The following DYNC2H1 variants were observed in gnomAD, a reference collection of about 807,000 sequenced individuals.
DYNC2H1 encodes the protein dynein cytoplasmic 2 heavy chain 1, also known as cytoplasmic dynein 2 heavy chain 1.
DYNC2H1 carries 410 observed loss-of-function variants against 570.0 expected under a neutral mutation model. That is an observed-to-expected ratio of 0.72 (90% confidence interval 0.66 to 0.78). The LOEUF (loss-of-function observed/expected upper bound fraction) is 0.78, where lower values mean the gene tolerates loss of function less well. Ranked by LOEUF, DYNC2H1 falls within the 30% of genes least tolerant of loss-of-function variation. DYNC2H1 has a pLI of 0.00. For synonymous variants in DYNC2H1, 1,688 were observed against 1,677.6 expected (o/e 1.01, Z -0.15); for missense variants, 4,865 against 5,046.4 (o/e 0.96, Z 1.09).
Position 103,154,622 on chromosome 11 carries a change from A to G in DYNC2H1, c.3458+16A>G. The G allele has an allele frequency of 6.3e-7, 1 of 1,583,022 alleles. No homozygotes were observed. Among genetic ancestry groups the G allele is most frequent in the Non-Finnish European group, 8.6e-7 (1 of 1,166,968 alleles). On this transcript the variant is annotated intron_variant, in intron 23 of 88. Coordinates refer to ENST00000375735, the MANE Select transcript of DYNC2H1 (RefSeq NM_001377.3). ...TCACTTTTCGGTTTGATTCAAAAAC[A>G]ATATTTAGACTAATAATTTGGTTGT... is the stretch of plus-strand genomic sequence containing the variant.
intron 75 of DYNC2H1, among the ~76,000 whole-genome samples, chr11:103,288,950 C>A (rs189029254): frequency 6.6e-6 from 1 of 150,850 alleles, no homozygotes; most frequent in Non-Finnish European, 1.5e-5. Flanking sequence ...AGAGTCTGAA[C>A]GTCTTCAAAT....
chr11:103,110,623 G>T (rs1265250444), intron 1 of DYNC2H1, among the ~76,000 whole-genome samples: 2 of 152,154 alleles, frequency 1.3e-5, no homozygotes, highest in Middle Eastern at 3.4e-3. Context: ...TAAAAAATGG[G>T]TTGCATTTGC....
At chr11:103,408,700 A>G (rs1942965630) in intron 84 of DYNC2H1, among the ~76,000 whole-genome samples, 2 of 152,014 alleles carry the variant, frequency 1.3e-5, no homozygotes, top group South Asian at 2.1e-4. Context: ...CGTAAACCCT[A>G]TTGTCTATAT....
intron 57 of DYNC2H1, among the ~76,000 whole-genome samples, chr11:103,221,162 C>CA (rs1444701433): frequency 6.6e-6 from 1 of 151,608 alleles, no homozygotes; most frequent in African/African-American, 2.4e-5. Context: ...GGGAAAAAGA[C>CA]AGAGACAGAA....
rs1937853004 is a variant in DYNC2H1, at chr11:103,316,528, AAAT to A, written c.11650-16_11650-14del. On this transcript the variant is annotated splice_polypyrimidine_tract_variant and intron_variant, in intron 79 of 88. Coordinates refer to ENST00000375735, the MANE Select transcript of DYNC2H1 (RefSeq NM_001377.3). ...CTACTGCTTAGTTGTTTACTTAAAA[AAAT>A]TGTTTTTTGACAGGGTTGGACAAAG... 1 of 1,530,680 alleles carries A rather than the reference AAAT, an allele frequency of 6.5e-7. No individual in the cohort carries two copies. The highest frequency in any genetic ancestry group is 1.4e-5 in the African/African-American group (1 of 72,040). The allele number at this position is 1,530,680 out of a possible 1,614,324, so 94.8% of individuals were successfully genotyped here.
chr11:103,147,699 A>G, intron 18 of DYNC2H1, 73 bp from the exon 19 acceptor site: 1 of 846,942 alleles, frequency 1.2e-6, no homozygotes, highest in South Asian at 1.6e-5. Flanking sequence ...TGAAATCATT[A>G]TAATATTATA....
intron 82 of DYNC2H1, among the ~76,000 whole-genome samples, chr11:103,332,809 CT>C (rs1372653756): frequency 1.3e-5 from 2 of 152,132 alleles, no homozygotes; most frequent in Non-Finnish European, 2.9e-5. Flanking sequence ...CGAGATCCCC[CT>C]GGCCAACATG....
At chr11:103,343,718 CAATAAAATAA>C (rs111312968) in intron 82 of DYNC2H1, among the ~76,000 whole-genome samples, 10 of 151,496 alleles carry the variant, frequency 6.6e-5, no homozygotes, top group Non-Finnish European at 1.2e-4. Context: ...CCTTGTCAAT[CAATAAAATAA>C]AATAAAATAA....
chr11:103,112,777 A>G (rs1039351276), intron 1 of DYNC2H1, among the ~76,000 whole-genome samples: 4 of 152,180 alleles, frequency 2.6e-5, no homozygotes, highest in Non-Finnish European at 4.4e-5. Flanking sequence ...CTTTTCCTGA[A>G]AAAAGAAATG....
intron 78 of DYNC2H1, 54 bp downstream of exon 78, chr11:103,307,885 A>G (rs995854460): frequency 9.6e-7 from 1 of 1,039,964 alleles, no homozygotes; most frequent in South Asian, 1.6e-5. Flanking sequence ...TACTCTATAC[A>G]TGACTTCTAA....
intron 55 of DYNC2H1, among the ~76,000 whole-genome samples, chr11:103,217,578 A>G (rs1422245443): frequency 6.6e-6 from 1 of 152,200 alleles, no homozygotes; most frequent in Non-Finnish European, 1.5e-5. Context: ...TTACACAAAA[A>G]TTTACACAGT....
At chr11:103,158,832 A>T (rs1475368525) in intron 27 of DYNC2H1, 23 bp downstream of exon 27, 2 of 1,454,712 alleles carry the variant, frequency 1.4e-6, no homozygotes. Context: ...AGAAAAAAAT[A>T]TATAATAAAT....
intron 1 of DYNC2H1, among the ~76,000 whole-genome samples, chr11:103,112,893 T>C (rs1034354193): frequency 2.6e-5 from 4 of 152,218 alleles, no homozygotes; most frequent in African/African-American, 9.6e-5. Flanking sequence ...ACAAGATTGC[T>C]GTAGTGAATT....
intron 53 of DYNC2H1, 57 bp downstream of exon 53, chr11:103,210,017 T>G: frequency 7.2e-7 from 1 of 1,380,714 alleles, no homozygotes; most frequent in Non-Finnish European, 9.5e-7. Context: ...TAATTGCCGT[T>G]TTTAATGCTA....
At chr11:103,172,189 T>C (rs1861602749) in intron 34 of DYNC2H1, among the ~76,000 whole-genome samples, 1 of 152,152 alleles carries the variant, frequency 6.6e-6, no homozygotes, top group African/African-American at 2.4e-5. Flanking sequence ...AACTATTAAG[T>C]GAGAATTACC....
chr11:103,288,706 A>AAAAAAAAAAAAAAAAG (rs1866457408), intron 75 of DYNC2H1, among the ~76,000 whole-genome samples: 1 of 147,540 alleles, frequency 6.8e-6, no homozygotes, highest in East Asian at 2.0e-4. Context: ...AAAAAAAAAA[A>AAAAAAAAAAAAAAAAG]AAAAGAAAAG....
chr11:103,134,340 T>A lies in DYNC2H1; in HGVS notation c.2126T>A (p.Ile709Asn). ...FCEKVVVLMN[I>N]DLLRQQQRWK... ...TCATAGGTGGTTGTTCTTATGAATA[T>A]TGATCTGCTTCGGCAGCAACAGCGC... is the stretch of plus-strand genomic sequence containing the variant. Residue 709 changes from isoleucine (I) to asparagine (N), a missense_variant, in exon 15 of 89, where the codon ATT becomes AAT. Transcript: ENST00000375735. 1 of 1,612,992 alleles carries A rather than the reference T, an allele frequency of 6.2e-7. No individual in the cohort carries two copies. The highest frequency in any genetic ancestry group is 8.5e-7 in the Non-Finnish European group (1 of 1,179,202).
chr11:103,346,500 G>A (rs187566085), intron 82 of DYNC2H1, among the ~76,000 whole-genome samples: 106 of 152,218 alleles, frequency 7.0e-4, no homozygotes, highest in African/African-American at 2.4e-3. Context: ...CATATTTTGA[G>A]TTCTAAGACC....
intron 55 of DYNC2H1, among the ~76,000 whole-genome samples, chr11:103,219,037 C>T (rs978460481): frequency 1.3e-5 from 2 of 152,038 alleles, no homozygotes; most frequent in Non-Finnish European, 1.5e-5. Flanking sequence ...AGAAGGAATC[C>T]ATGAGCTGTG....
Sources: allele counts gnomAD v4.1 joint callset (sites outside exome capture counted in the v4.1 genomes callset), GRCh38; gene constraint gnomAD v4.1.1; transcripts MANE v1.5; gene names NCBI Gene and HGNC (gene_info 2026-07-23, HGNC 2026-07-21).